The following SLITRK4 variants were observed in gnomAD, a reference collection of about 807,000 sequenced individuals.
The protein encoded by SLITRK4 is SLIT and NTRK like family member 4.
A neutral mutation model predicts 34.7 loss-of-function variants in SLITRK4; 7 were observed. The observed-to-expected ratio is 0.20, with a 90% CI of 0.11 to 0.38. SLITRK4 has a LOEUF of 0.38. SLITRK4 is among the 10% of genes least tolerant of loss of function. SLITRK4 has a pLI of 1.00. For missense variants in SLITRK4, 474 were observed against 607.0 expected (o/e 0.78, Z 2.30); for synonymous variants, 237 against 246.2 (o/e 0.96, Z 0.35).
At position 143,625,727 on chromosome X, in the gene SLITRK4, A is replaced by G. The variant is rs1449800302; in HGVS notation, c.*2868T>C. The G allele has an allele frequency of 9.0e-6, 1 of 111,670 alleles. No homozygotes were observed. The highest frequency in any genetic ancestry group is 3.2e-5 in the African/African-American group (1 of 30,814). The allele number at this position is 111,670 out of a possible 1,213,427, so 9.2% of individuals were successfully genotyped here. A position where few individuals can be genotyped will look rare whatever the true frequency, so the allele number is the denominator to read the frequency against. ...TGTACTCAACTCAAAACTTATACCT[A>G]ACTACATTATCATAAAATGTACAAC... On this transcript the variant is annotated 3_prime_UTR_variant, in exon 2 of 2. Transcript: ENST00000356928.
chrX:143,625,430 C>G lies in SLITRK4; in HGVS notation c.*3165G>C, dbSNP rs1192556194. 3 of 111,110 alleles carry G rather than the reference C, an allele frequency of 2.7e-5. No homozygotes were observed. Among genetic ancestry groups the G allele is most frequent in the African/African-American group, 9.8e-5 (3 of 30,707 alleles). 9.2% of individuals were successfully genotyped at this position (111,110 alleles called of 1,213,427 possible). A position where few individuals can be genotyped will look rare whatever the true frequency, so the allele number is the denominator to read the frequency against. ...AAACTTGATTTATATTACATGGACA[C>G]AATATATTATCTCAACCCCTTCACT... On this transcript the variant is annotated 3_prime_UTR_variant, in exon 2 of 2. Coordinates refer to ENST00000356928, the MANE Select transcript of SLITRK4 (RefSeq NM_001184749.3).
At position 143,628,070 on chromosome X, in the gene SLITRK4, C is replaced by G. The variant is rs782790494; in HGVS notation, c.*525G>C. ...AAGGTTACCAATTTACAAATACTAT[C>G]GAGTGTTCTCTCTTTGCATGCTTTT... On this transcript the variant is annotated 3_prime_UTR_variant, in exon 2 of 2. Transcript: ENST00000356928. The G allele has an allele frequency of 2.7e-5, 6 of 226,102 alleles. No individual in the cohort carries two copies. Among genetic ancestry groups the G allele is most frequent in the Non-Finnish European group, 3.6e-5 (5 of 137,801 alleles). 18.6% of individuals were successfully genotyped at this position (226,102 alleles called of 1,213,427 possible). A position where few individuals can be genotyped will look rare whatever the true frequency, so the allele number is the denominator to read the frequency against.
In SLITRK4 at chrX:143,628,298, G is replaced by A. The variant is rs5907446; in HGVS notation, c.*297C>T. The stretch of plus-strand genomic sequence containing the variant: ...CAAAGAGACGAAGGTTTTGCATTGG[G>A]GTACAAAACAGATTTGCCTCTTGAG... On this transcript the variant is annotated 3_prime_UTR_variant, in exon 2 of 2. Transcript: ENST00000356928. 0.52 allele frequency: 156,037 copies of A among 300,212 alleles called. 29,065 individuals carry two copies. Among genetic ancestry groups the A allele is most frequent in the East Asian group, 0.61 (12,833 of 21,137 alleles). 24.7% of individuals were successfully genotyped at this position (300,212 alleles called of 1,213,427 possible).
At position 143,622,845 on chromosome X, in the gene SLITRK4, C is replaced by A. The variant is rs1556424887; in HGVS notation, c.*5750G>T. 2 of 111,838 alleles carry A rather than the reference C, an allele frequency of 1.8e-5. No homozygotes were observed. The highest frequency in any genetic ancestry group is 3.8e-5 in the Non-Finnish European group (2 of 53,055). The allele number at this position is 111,838 out of a possible 1,213,427, so 9.2% of individuals were successfully genotyped here. ...AAACAGCATTAAAGTGATTCCATAT[C>A]AACTCCAAAAGTTTACCACAATGGT... On this transcript the variant is annotated 3_prime_UTR_variant, in exon 2 of 2. Coordinates refer to ENST00000356928, the MANE Select transcript of SLITRK4 (RefSeq NM_001184749.3).
Position 143,628,755 on chromosome X carries a change from T to G in SLITRK4, c.2354A>C (p.Gln785Pro). ...TGACTTCTTACTTTTTTTGTCTGGT[T>G]GTTTTTCTGGATAGCGGATCTCAAA... ...SGFEIRYPEK[Q>P]PDKKSKKSLI... Residue 785 changes from glutamine (Q) to proline (P), a missense_variant, in exon 2 of 2, where the codon CAA becomes CCA. Around this residue, in one of 3 missense-constraint regions of SLITRK4, gnomAD observed 345 missense variants for 406.5 expected, o/e 0.85. Coordinates refer to ENST00000356928, the MANE Select transcript of SLITRK4 (RefSeq NM_001184749.3). The G allele has an allele frequency of 8.3e-7, 1 of 1,211,542 alleles. No homozygotes were observed. Among genetic ancestry groups the G allele is most frequent in the South Asian group, 1.8e-5 (1 of 56,913 alleles).
rs782237496 is a variant in SLITRK4, at chrX:143,630,295, C to T, written c.814G>A (p.Val272Met). The stretch of plus-strand genomic sequence containing the variant: ...AGCTGAGATGGAGGCAGGATGCGCA[C>T]GTCAAAATCACTGCCGGTGCCCATG... ...CPMGTGSDFD[V>M]RILPPSQLEN... Residue 272 changes from valine (V) to methionine (M), a missense_variant, in exon 2 of 2, where the codon GTG becomes ATG. Around this residue, in one of 3 missense-constraint regions of SLITRK4, gnomAD observed 45 missense variants for 99.2 expected, o/e 0.45. Coordinates refer to ENST00000356928, the MANE Select transcript of SLITRK4 (RefSeq NM_001184749.3). 18 of 1,209,915 alleles carry T rather than the reference C, an allele frequency of 1.5e-5. No homozygotes were observed. The highest frequency in any genetic ancestry group is 3.5e-5 in the South Asian group (2 of 56,823).
In SLITRK4 at chrX:143,630,656, G is replaced by T; in HGVS notation, c.453C>A (p.Phe151Leu). ...GAACTTTCAGTTTGTGGAGCTTATTGAAGGCTCCTCGTTCAATATACTTGA... is the reference window on the plus strand; with the variant it reads ...GAACTTTCAGTTTGTGGAGCTTATTTAAGGCTCCTCGTTCAATATACTTGA... ...NLIKYIERGA[F>L]NKLHKLKVLI... The change falls in exon 2 of 2, where the codon TTC (phenylalanine) becomes TTA (leucine). Residue 151 changes from phenylalanine (F) to leucine (L), a missense_variant. Coordinates refer to ENST00000356928, the MANE Select transcript of SLITRK4 (RefSeq NM_001184749.3). 8.3e-7 allele frequency: 1 copy of T among 1,211,163 alleles called. No homozygotes were observed. The highest frequency in any genetic ancestry group is 1.1e-6 in the Non-Finnish European group (1 of 895,021).
Position 143,629,848 on chromosome X carries a change from A to G in SLITRK4, c.1261T>C (p.Phe421Leu), listed in dbSNP as rs1168952081. Reference sequence around the variant, plus strand: ...CTGCGTAAATTAGTGAGATTGTGAAATACGTCTCCCTTAATCACTGTAATT... The same window carrying G: ...CTGCGTAAATTAGTGAGATTGTGAAGTACGTCTCCCTTAATCACTGTAATT... ...NQITVIKGDV[F>L]HNLTNLRRLY... The change falls in exon 2 of 2, where the codon TTT becomes CTT. Residue 421 changes from phenylalanine (F) to leucine (L), a missense_variant. This residue lies in a region of SLITRK4 where 345 missense variants were observed against 406.5 expected (regional missense o/e 0.85). Transcript: ENST00000356928. The G allele has an allele frequency of 1.7e-6, 2 of 1,208,913 alleles. No individual in the cohort carries two copies. The highest frequency in any genetic ancestry group is 3.5e-5 in the African/African-American group (2 of 57,206).
chrX:143,633,923 C>A (rs12156844), intron 1 of SLITRK4, among the ~76,000 whole-genome samples: 3 of 112,979 alleles, frequency 2.7e-5, no homozygotes, highest in Non-Finnish European at 5.6e-5. Flanking sequence ...CCTGGCGGTC[C>A]GTGTAGCGGA....
chrX:143,633,469 A>T (rs919602449), intron 1 of SLITRK4, among the ~76,000 whole-genome samples: 1 of 111,042 alleles, frequency 9.0e-6, no homozygotes, highest in African/African-American at 3.3e-5. Context: ...GCTGGGTACC[A>T]AGAGCCTTCT....
Position 143,630,989 on chromosome X carries a change from A to G in SLITRK4, c.120T>C (p.Tyr40=). 8.3e-7 allele frequency: 1 copy of G among 1,211,234 alleles called. No homozygotes were observed. Among genetic ancestry groups the G allele is most frequent in the African/African-American group, 1.7e-5 (1 of 57,852 alleles). The change falls in exon 2 of 2, where the codon TAT becomes TAC. Residue 40 remains tyrosine (Y), a synonymous_variant. Transcript: ENST00000356928. The stretch of plus-strand genomic sequence containing the variant: ...AGACTGAAACCTTCTCACAGTTGAC[A>G]TAGAGCACATTCTCAACTGACACGC... ...CSCVSVENVL[Y]VNCEKVSVYR...
intron 1 of SLITRK4, among the ~76,000 whole-genome samples, chrX:143,633,911 A>G (rs1931138249): frequency 8.9e-6 from 1 of 112,937 alleles, no homozygotes; most frequent in South Asian, 3.6e-4. Flanking sequence ...CCCAAGCAGC[A>G]GCCTGGCGGT....
At position 143,630,070 on chromosome X, in the gene SLITRK4, A is replaced by T; in HGVS notation, c.1039T>A (p.Phe347Ile). The T allele has an allele frequency of 8.3e-7, 1 of 1,211,959 alleles. No homozygotes were observed. Among genetic ancestry groups the T allele is most frequent in the Non-Finnish European group, 1.1e-6 (1 of 895,487 alleles). ...AAATCTGAAGGGTGTGTTTTGCAGA[A>T]GCAAGGTGCCGGGCAAGGTGTTAGA... is the stretch of plus-strand genomic sequence containing the variant. ...PPLTPCPAPC[F>I]CKTHPSDLGL... The change falls in exon 2 of 2, where the codon TTC (phenylalanine) becomes ATC (isoleucine). Residue 347 changes from phenylalanine to isoleucine, a missense_variant. Phe to Ile is a conservative substitution (Grantham distance 21, BLOSUM62 0). This residue lies in a region of SLITRK4 where 345 missense variants were observed against 406.5 expected (regional missense o/e 0.85). Coordinates refer to ENST00000356928, the MANE Select transcript of SLITRK4 (RefSeq NM_001184749.3).
chrX:143,630,721 T>C lies in SLITRK4; in HGVS notation c.388A>G (p.Ile130Val), dbSNP rs1556428078. 1.7e-6 allele frequency: 2 copies of C among 1,210,714 alleles called. No individual in the cohort carries two copies. Among genetic ancestry groups the C allele is most frequent in the Admixed American group, 4.4e-5 (2 of 45,901 alleles). The change falls in exon 2 of 2, where the codon ATA (isoleucine) becomes GTA (valine). Residue 130 changes from isoleucine to valine, a missense_variant. By Grantham distance (29) the Ile-to-Val change is conservative (BLOSUM62 3). Coordinates refer to ENST00000356928, the MANE Select transcript of SLITRK4 (RefSeq NM_001184749.3). ...KILRADTFLG[I>V]ENLEYLQADY... ...GCCTGGAGATACTCCAAGTTCTCTA[T>C]GCCAAGGAAAGTGTCAGCTCGGAGA...
chrX:143,635,487 C>CACAG (rs1556431170), intron 1 of SLITRK4, among the ~76,000 whole-genome samples: 1 of 78,861 alleles, frequency 1.3e-5, no homozygotes, highest in Non-Finnish European at 2.4e-5. Context: ...AAGGAACACA[C>CACAG]ACACACACAC....
At position 143,629,690 on chromosome X, in the gene SLITRK4, T is replaced by G. The variant is rs1339733385; in HGVS notation, c.1419A>C (p.Pro473=). The G allele has an allele frequency of 2.5e-6, 3 of 1,209,775 alleles. No individual in the cohort carries two copies. The highest frequency in any genetic ancestry group is 3.4e-6 in the Non-Finnish European group (3 of 895,190). Residue 473 remains proline (P), a synonymous_variant, in exon 2 of 2, where the codon CCA becomes CCC. Coordinates refer to ENST00000356928, the MANE Select transcript of SLITRK4 (RefSeq NM_001184749.3). ...EISAGTFDSM[P]NLQLLYLNNN... Reference sequence around the variant, plus strand: ...TGTTTAAGTACAGTAACTGCAAATTTGGCATGGAGTCAAAGGTGCCTGCTG... The same window carrying G: ...TGTTTAAGTACAGTAACTGCAAATTGGGCATGGAGTCAAAGGTGCCTGCTG...
Position 143,629,039 on chromosome X carries a change from A to C in SLITRK4, c.2070T>G (p.Thr690=). Residue 690 remains threonine (T), a synonymous_variant, in exon 2 of 2, where the codon ACT becomes ACG. Coordinates refer to ENST00000356928, the MANE Select transcript of SLITRK4 (RefSeq NM_001184749.3). ...GLSTEAFIPQ[T]IEQMSKSHTC... The stretch of plus-strand genomic sequence containing the variant: ...TGTGGCTCTTGCTCATCTGTTCTAT[A>C]GTTTGTGGAATGAAAGCTTCTGTGC... 8.3e-7 allele frequency: 1 copy of C among 1,211,704 alleles called. No individual in the cohort carries two copies. The highest frequency in any genetic ancestry group is 1.1e-6 in the Non-Finnish European group (1 of 895,566).
intron 1 of SLITRK4, among the ~76,000 whole-genome samples, chrX:143,632,669 T>C (rs1297163492): frequency 9.0e-6 from 1 of 111,695 alleles, no homozygotes; most frequent in East Asian, 2.8e-4. Flanking sequence ...CCATTAGCCA[T>C]GACCCAGGAG....
In SLITRK4 at chrX:143,628,430, A is replaced by C. The variant is rs1556425915; in HGVS notation, c.*165T>G. 2.3e-6 allele frequency: 1 copy of C among 432,452 alleles called. No individual in the cohort carries two copies. The highest frequency in any genetic ancestry group is 3.9e-6 in the Non-Finnish European group (1 of 257,852). 35.6% of individuals were successfully genotyped at this position (432,452 alleles called of 1,213,427 possible). ...TTTATGTAGTAAAATCTATTAAACA[A>C]ATTCTCTTCTACTTGACACATCTTT... On this transcript the variant is annotated 3_prime_UTR_variant, in exon 2 of 2. Transcript: ENST00000356928.
Sources: gnomAD v4.1 joint callset for allele counts (sites outside exome capture counted in the v4.1 genomes callset) on GRCh38, gnomAD v4.1.1 for gene constraint, gnomAD v4.1.1 regional missense constraint, MANE v1.5 for transcripts, NCBI Gene and HGNC (gene_info 2026-07-23, HGNC 2026-07-21) for gene names.